FAT2: variants seen among roughly 807,000 people sequenced by gnomAD.
The protein encoded by FAT2 is FAT atypical cadherin 2, also known as protocadherin Fat 2.
In FAT2, 150 loss-of-function variants were observed where a neutral mutation model predicts 295.3. The observed-to-expected ratio is 0.51, with a 90% CI of 0.44 to 0.58. The LOEUF is 0.58. FAT2 is among the 20% of genes least tolerant of loss of function. The probability of loss-of-function intolerance (pLI) is 0.00; values close to 1 mark genes in which losing one functional copy is unlikely to be tolerated. For missense variants in FAT2, 4,868 were observed against 5,442.7 expected (o/e 0.89, Z 3.32); for synonymous variants, 2,026 against 2,150.3 (o/e 0.94, Z 1.60).
intron 1 of FAT2, among the ~76,000 whole-genome samples, chr5:151,579,319 A>G (rs1411354421): frequency 1.3e-5 from 2 of 152,152 alleles, no homozygotes; most frequent in African/African-American, 2.4e-5. Flanking sequence ...TGCCTGTAAT[A>G]CCAGAGCTTT....
intron 16 of FAT2, 143 bp downstream of exon 16, chr5:151,527,853 A>C: frequency 1.1e-5 from 13 of 1,162,262 alleles, no homozygotes; most frequent in Non-Finnish European, 1.6e-5. Context: ...GAGGCCCCAC[A>C]GAGAAAACAA....
At chr5:151,516,091 A>G (rs924740328) in intron 20 of FAT2, among the ~76,000 whole-genome samples, 1 of 152,132 alleles carries the variant, frequency 6.6e-6, no homozygotes, top group Non-Finnish European at 1.5e-5. Flanking sequence ...TCACATTGCT[A>G]TTCCCTCTAT....
rs1300219274 is a variant in FAT2 at position 151,566,821 on chromosome 5, G to T, written c.2111C>A (p.Thr704Lys). 1.2e-6 allele frequency: 2 copies of T among 1,614,046 alleles called. No individual in the cohort carries two copies. Among genetic ancestry groups the T allele is most frequent in the Non-Finnish European group, 1.7e-6 (2 of 1,180,028 alleles). ...TGGGGTGTAATGATTAATCTGATAT[G>T]TGCTTAAAGAAGTGAATTCCTCATC... is the stretch of plus-strand genomic sequence containing the variant. ...SSDEEFTSLS[T>K]YQINHYTPQF... Residue 704 changes from threonine to lysine, a missense_variant, in exon 2 of 24, where the codon ACA becomes AAA. This residue lies in a region of FAT2 where 3,297 missense variants were observed against 3,669.4 expected (regional missense o/e 0.90). Transcript: ENST00000261800.
chr5:151,565,896 A>C lies in FAT2; in HGVS notation c.3036T>G (p.Thr1012=), dbSNP rs1162502988. The change falls in exon 2 of 24, where the codon ACT becomes ACG. Residue 1012 remains threonine, a synonymous_variant. Transcript: ENST00000261800. ...SDGGRPLARR[T]LCHVEVIVLD... is the part of the protein sequence containing the mutation. The stretch of plus-strand genomic sequence containing the variant: ...GGACGATCACCTCCACATGGCAGAG[A>C]GTCCTGCGGGCTAGGGGCCTCCCAC... 1 of 1,613,916 alleles carries C rather than the reference A, an allele frequency of 6.2e-7. No individual in the cohort carries two copies. Among genetic ancestry groups the C allele is most frequent in the Admixed American group, 1.7e-5 (1 of 60,026 alleles).
At chr5:151,558,180 G>A (rs550372990) in intron 3 of FAT2, among the ~76,000 whole-genome samples, 3 of 152,268 alleles carry the variant, frequency 2.0e-5, no homozygotes, top group Admixed American at 6.5e-5. Flanking sequence ...CCTGAGTCAC[G>A]TTTTAAAAAG....
Position 151,581,916 on chromosome 5 carries a change from C to T in FAT2, c.-21+9249G>A, listed in dbSNP as rs190878173. On this transcript the variant is annotated intron_variant, in intron 1 of 23. Transcript: ENST00000261800. ...CAGCATAGGTTTCATTTCCAGTCTT[C>T]CCTCTCATTCCCATTTCCTCTAGCC... is the stretch of plus-strand genomic sequence containing the variant. 2.0e-5 allele frequency among the ~76,000 whole-genome samples: 3 copies of T among 152,346 alleles called. No individual in the cohort carries two copies. In the East Asian group the frequency reaches 5.8e-4, roughly 29 times the overall value.
At chr5:151,525,700 T>C in intron 18 of FAT2, 68 bp downstream of exon 18, 3 of 1,567,614 alleles carry the variant, frequency 1.9e-6, no homozygotes, top group Non-Finnish European at 2.6e-6. Context: ...ACAGAAGCAC[T>C]GGTGGGGCTT....
rs1037981421 is a variant in FAT2, at chr5:151,547,106, A to G, written c.4790-769T>C. On this transcript the variant is annotated intron_variant, in intron 9 of 23. Coordinates refer to ENST00000261800, the MANE Select transcript of FAT2 (RefSeq NM_001447.3). ...CTCAAATTTTGATAAATATTTTTAAAGGTAACATTATGTTGCTTCTTTAAA... is the reference window on the plus strand; with the variant it reads ...CTCAAATTTTGATAAATATTTTTAAGGGTAACATTATGTTGCTTCTTTAAA... 2.0e-5 allele frequency among the ~76,000 whole-genome samples: 3 copies of G among 152,224 alleles called. No homozygotes were observed. In the South Asian group the frequency reaches 6.2e-4, roughly 31 times the overall value.
intron 1 of FAT2, among the ~76,000 whole-genome samples, chr5:151,572,942 C>A (rs958611633): frequency 1.3e-5 from 2 of 152,228 alleles, no homozygotes; most frequent in Admixed American, 6.5e-5. Context: ...CAGAAAGAGA[C>A]CTGCATCTGA....
At position 151,556,404 on chromosome 5, in the gene FAT2, TGA is replaced by T. The variant is rs1757696745; in HGVS notation, c.3575-4_3575-3del. On this transcript the variant is annotated splice_region_variant and splice_polypyrimidine_tract_variant and intron_variant, in intron 3 of 23. Transcript: ENST00000261800. ...GCTGCTGGGCTGTAGATAGGAGACCTGAGAGAGAGATGATAAGGGAGAGACAT... is the reference window on the plus strand; with the variant it reads ...GCTGCTGGGCTGTAGATAGGAGACCTGAGAGAGATGATAAGGGAGAGACAT... 3 of 1,612,430 alleles carry T rather than the reference TGA, an allele frequency of 1.9e-6. 1 individual carries two copies. The highest frequency in any genetic ancestry group is 3.3e-4 in the Middle Eastern group (2 of 6,056).
chr5:151,532,903 T>C (rs1222673604), intron 13 of FAT2, among the ~76,000 whole-genome samples: 1 of 152,212 alleles, frequency 6.6e-6, no homozygotes, highest in South Asian at 2.1e-4. Flanking sequence ...CTGAGAAGAG[T>C]TGAATTTATA....
chr5:151,506,905 A>G (rs1362996345), intron 23 of FAT2, among the ~76,000 whole-genome samples: 2 of 152,076 alleles, frequency 1.3e-5, no homozygotes, highest in Non-Finnish European at 2.9e-5. Flanking sequence ...GGGTCTACAC[A>G]TTTCTGTCAT....
intron 16 of FAT2, 118 bp from the exon 17 acceptor site, chr5:151,527,495 C>G: frequency 1.1e-6 from 1 of 942,382 alleles, no homozygotes; most frequent in East Asian, 2.7e-5. Flanking sequence ...CTATGCCCAC[C>G]CCCACTGCCC....
At chr5:151,587,415 A>G (rs1046517639) in intron 1 of FAT2, among the ~76,000 whole-genome samples, 2 of 152,154 alleles carry the variant, frequency 1.3e-5, no homozygotes, top group Middle Eastern at 3.4e-3. Flanking sequence ...CACCCAATTT[A>G]TAGGTTCCTG....
chr5:151,587,480 C>T (rs1397933185), intron 1 of FAT2, among the ~76,000 whole-genome samples: 1 of 152,172 alleles, frequency 6.6e-6, no homozygotes, highest in Non-Finnish European at 1.5e-5. Context: ...TATTTTCCCT[C>T]TGTTAAATGC....
Position 151,544,872 on chromosome 5 carries a change from T to C in FAT2, c.6255A>G (p.Pro2085=), listed in dbSNP as rs35538192. 3,396 of 1,614,190 alleles carry C rather than the reference T, an allele frequency of 2.1e-3. 60 individuals are homozygous for C. The African/African-American group carries it at 0.04, about 19-fold the overall frequency. ...CAGATACCTGAAAGAGGACATCCCC[T>C]GGCTCTGTGCCATCTTGGATGATTG... is the stretch of plus-strand genomic sequence containing the variant. ...YYTIIQDGTE[P]GDVLFQVSAT... Residue 2085 remains proline, a synonymous_variant, in exon 10 of 24, where the codon CCA becomes CCG. Coordinates refer to ENST00000261800, the MANE Select transcript of FAT2 (RefSeq NM_001447.3).
intron 4 of FAT2, 28 bp downstream of exon 4, chr5:151,556,316 C>A: frequency 6.2e-7 from 1 of 1,604,368 alleles, no homozygotes; most frequent in Non-Finnish European, 8.5e-7. Context: ...CACAAATCAC[C>A]ACAAATGGAT....
chr5:151,559,884 C>G (rs1045379271), intron 3 of FAT2, among the ~76,000 whole-genome samples: 1 of 152,158 alleles, frequency 6.6e-6, no homozygotes, highest in African/African-American at 2.4e-5. Flanking sequence ...GCAGAACCAC[C>G]TCCATAGGGC....
At chr5:151,511,925 C>T (rs1040236227) in intron 21 of FAT2, 9 of 549,972 alleles carry the variant, frequency 1.6e-5, no homozygotes, top group Non-Finnish European at 2.9e-5. Context: ...CCTGAGGTCC[C>T]CATTCATATC....
Sources: gnomAD v4.1 joint callset for allele counts (sites outside exome capture counted in the v4.1 genomes callset) on GRCh38, gnomAD v4.1.1 for gene constraint, gnomAD v4.1.1 regional missense constraint, MANE v1.5 for transcripts, NCBI Gene and HGNC (gene_info 2026-07-23, HGNC 2026-07-21) for gene names.